Variants in UNC5D observed in about 807,000 individuals in gnomAD.
UNC5D encodes the protein unc-5 netrin receptor D.
In UNC5D, 39 loss-of-function variants were observed where a neutral mutation model predicts 105.4. That is an observed-to-expected ratio of 0.37 (90% CI 0.29 to 0.48). UNC5D has a LOEUF of 0.48. Among genes scored for constraint, UNC5D ranks in the 20% least tolerant of loss-of-function variants. UNC5D has a pLI of 0.98. For synonymous variants in UNC5D, 452 were observed against 450.4 expected, an observed-to-expected ratio of 1.00 and a Z score of -0.04; for missense variants, 991 against 1,202.4, an observed-to-expected ratio of 0.82 and a Z score of 2.60.
At chr8:35,303,836 A>G (rs1271969690) in intron 1 of UNC5D, among the ~76,000 whole-genome samples, 5 of 152,184 alleles carry the variant, frequency 3.3e-5, no homozygotes, top group South Asian at 4.1e-4. Flanking sequence ...AAATGAGGAC[A>G]TGTAAATGAT....
chr8:35,413,616 A>T (rs141713967), intron 1 of UNC5D, among the ~76,000 whole-genome samples: 1 of 152,016 alleles, frequency 6.6e-6, no homozygotes, highest in Non-Finnish European at 1.5e-5. Context: ...AGAAGTAGTC[A>T]ATTTGATCTT....
intron 15 of UNC5D, among the ~76,000 whole-genome samples, chr8:35,769,100 ATCATT>A (rs1801898321): frequency 6.6e-6 from 1 of 152,236 alleles, no homozygotes; most frequent in African/African-American, 2.4e-5. Flanking sequence ...TATTTCAGAT[ATCATT>A]TCATTTGCTT....
At chr8:35,547,513 G>A (rs184759661) in intron 1 of UNC5D, among the ~76,000 whole-genome samples, 8 of 152,226 alleles carry the variant, frequency 5.3e-5, no homozygotes, top group African/African-American at 1.9e-4. Context: ...TGGCCAGGCT[G>A]CTCTCAAATT....
chr8:35,617,877 G>A (rs1383248989), intron 4 of UNC5D, among the ~76,000 whole-genome samples: 1 of 152,166 alleles, frequency 6.6e-6, no homozygotes, highest in Non-Finnish European at 1.5e-5. Context: ...TCTTTTAATT[G>A]TTGATTCAGT....
intron 15 of UNC5D, among the ~76,000 whole-genome samples, chr8:35,768,633 TA>T (rs1434813126): frequency 1.3e-5 from 2 of 152,204 alleles, no homozygotes; most frequent in Non-Finnish European, 2.9e-5. Context: ...CAACTTGTGC[TA>T]TTACAGGACA....
intron 1 of UNC5D, among the ~76,000 whole-genome samples, chr8:35,527,211 G>A (rs1056428134): frequency 4.0e-5 from 6 of 151,462 alleles, no homozygotes; most frequent in African/African-American, 1.5e-4. Flanking sequence ...TTCCTTGTCT[G>A]GCCAGTGCTG....
chr8:35,242,251 A>G (rs948523864), intron 1 of UNC5D, among the ~76,000 whole-genome samples: 2 of 152,152 alleles, frequency 1.3e-5, no homozygotes, highest in Non-Finnish European at 2.9e-5. Flanking sequence ...TTTTGTCGTT[A>G]CCTAAATTGA....
chr8:35,465,414 G>A (rs113498419), intron 1 of UNC5D, among the ~76,000 whole-genome samples: 2,393 of 150,358 alleles, frequency 0.016, 67 homozygotes, highest in African/African-American at 0.056. Flanking sequence ...ATGCTCAAAA[G>A]CCACATAAGT....
intron 8 of UNC5D, among the ~76,000 whole-genome samples, chr8:35,708,307 T>C (rs183310430): frequency 6.6e-6 from 1 of 152,228 alleles, no homozygotes; most frequent in African/African-American, 2.4e-5. Context: ...CTGGGGAAAA[T>C]ATGTGCACTG....
intron 1 of UNC5D, among the ~76,000 whole-genome samples, chr8:35,354,853 A>T (rs186026740): frequency 3.9e-5 from 6 of 152,198 alleles, no homozygotes; most frequent in African/African-American, 1.4e-4. Flanking sequence ...TGTCGTCTTC[A>T]CTCACATGTG....
chr8:35,590,837 C>T (rs1819120813), intron 3 of UNC5D, among the ~76,000 whole-genome samples: 1 of 152,124 alleles, frequency 6.6e-6, no homozygotes, highest in Non-Finnish European at 1.5e-5. Context: ...CGGTCCCCAC[C>T]TTCCTCACCG....
At chr8:35,325,703 T>C (rs908721481) in intron 1 of UNC5D, among the ~76,000 whole-genome samples, 12 of 152,274 alleles carry the variant, frequency 7.9e-5, no homozygotes, top group African/African-American at 2.6e-4. Flanking sequence ...TTTAAGGAAT[T>C]TGAAATCAAA....
chr8:35,370,352 T>C (rs2128924471), intron 1 of UNC5D, among the ~76,000 whole-genome samples: 1 of 152,334 alleles, frequency 6.6e-6, no homozygotes, highest in Non-Finnish European at 1.5e-5. Flanking sequence ...TTGGATCTGT[T>C]GAATACCTTT....
chr8:35,589,727 A>G (rs1819036699), intron 3 of UNC5D, among the ~76,000 whole-genome samples: 1 of 152,140 alleles, frequency 6.6e-6, no homozygotes, highest in South Asian at 2.1e-4. Flanking sequence ...TCTTCTGTAT[A>G]TTTCATATAA....
chr8:35,760,130 G>T (rs551601474), intron 14 of UNC5D, among the ~76,000 whole-genome samples: 370 of 149,000 alleles, frequency 2.5e-3, no homozygotes, highest in African/African-American at 8.4e-3. Context: ...TGCAACCTCC[G>T]CCTCCCGAGT....
chr8:35,665,925 A>G (rs991819989), intron 4 of UNC5D, among the ~76,000 whole-genome samples: 4 of 151,854 alleles, frequency 2.6e-5, no homozygotes, highest in Non-Finnish European at 5.9e-5. Context: ...CACAAAATAA[A>G]GAATCAAATA....
intron 1 of UNC5D, among the ~76,000 whole-genome samples, chr8:35,303,409 G>GAATACATGGCT (rs1339502931): frequency 6.6e-6 from 1 of 152,046 alleles, no homozygotes; most frequent in Non-Finnish European, 1.5e-5. Flanking sequence ...GTGTTCAGTA[G>GAATACATGGCT]AATACATGGC....
chr8:35,277,227 T>G (rs1240491718), intron 1 of UNC5D, among the ~76,000 whole-genome samples: 1 of 152,198 alleles, frequency 6.6e-6, no homozygotes, highest in East Asian at 1.9e-4. Flanking sequence ...ACCCCCAGTT[T>G]GATCTGGGAA....
At position 35,651,211 on chromosome 8, in the gene UNC5D, T is replaced by A. The variant is rs535337962; in HGVS notation, c.571-32336T>A. 4.6e-5 allele frequency among the ~76,000 whole-genome samples: 7 copies of A among 152,310 alleles called. No individual in the cohort carries two copies. In the South Asian group the frequency reaches 1.5e-3, roughly 32 times the overall value. On this transcript the variant is annotated intron_variant, in intron 4 of 16. Transcript: ENST00000404895. Reference sequence around the variant, plus strand: ...GGACATGTTCCTTGAAAGCAGTATATGTGAATACGGCAGAAATTCCCTGGG... The same window carrying A: ...GGACATGTTCCTTGAAAGCAGTATAAGTGAATACGGCAGAAATTCCCTGGG...
Sources: gnomAD v4.1 joint callset for allele counts (sites outside exome capture counted in the v4.1 genomes callset) on GRCh38, gnomAD v4.1.1 for gene constraint, MANE v1.5 for transcripts, NCBI Gene and HGNC (gene_info 2026-07-23, HGNC 2026-07-21) for gene names.